The following ADCY4 variants were observed in gnomAD, a reference collection of about 807,000 sequenced individuals.
ADCY4 encodes adenylate cyclase type 4.
ADCY4 carries 111 observed loss-of-function variants against 125.5 expected under a neutral mutation model. The ratio of observed to expected loss-of-function variants is 0.88; its 90% confidence interval spans 0.76 to 1.04. ADCY4 has a LOEUF of 1.04. Among genes scored for constraint, ADCY4 ranks in the 50% least tolerant of loss-of-function variants. The pLI is 0.00. For missense variants in ADCY4, 1,256 were observed against 1,382.9 expected (o/e 0.91, Z 1.46); for synonymous variants, 576 against 586.9 (o/e 0.98, Z 0.27).
chr14:24,325,238 C>G, intron 14 of ADCY4, 139 bp downstream of exon 14: 1 of 640,008 alleles, frequency 1.6e-6, no homozygotes, highest in Non-Finnish European at 2.7e-6. Context: ...ATCATTTTCC[C>G]CAGAACACAT....
At chr14:24,330,915 G>T in intron 6 of ADCY4, 103 bp downstream of exon 6, 1 of 1,024,008 alleles carries the variant, frequency 9.8e-7, no homozygotes, top group Non-Finnish European at 1.4e-6. Flanking sequence ...TGCATGCACT[G>T]AAGTGGGCCT....
At position 24,330,936 on chromosome 14, in the gene ADCY4, A is replaced by T. The variant is rs1007103821; in HGVS notation, c.930+82T>A. On this transcript the variant is annotated intron_variant, in intron 6 of 24. Transcript: ENST00000418030. ...CACTGAAGTGGGCCTGGGATCTTAT[A>T]AGGTGGGAGTTTCCCTTGGAAGGGG... The T allele has an allele frequency of 7.8e-6, 10 of 1,275,208 alleles. No individual in the cohort carries two copies. In the African/African-American group the frequency reaches 1.5e-4, roughly 19 times the overall value. 79.0% of individuals were successfully genotyped at this position (1,275,208 alleles called of 1,614,324 possible). A position where few individuals can be genotyped will look rare whatever the true frequency, so the allele number is the denominator to read the frequency against.
chr14:24,321,795 A>G, intron 20 of ADCY4: 1 of 1,164,938 alleles, frequency 8.6e-7, no homozygotes, highest in Non-Finnish European at 1.1e-6. Flanking sequence ...CCCCTGCTCC[A>G]GACAGCTCCC....
rs2042015626 is a variant in ADCY4, at chr14:24,329,989, A to G, written c.1088T>C (p.Ile363Thr). 1.2e-6 allele frequency: 2 copies of G among 1,614,014 alleles called. No homozygotes were observed. The highest frequency in any genetic ancestry group is 1.7e-6 in the Non-Finnish European group (2 of 1,179,936). Residue 363 changes from isoleucine to threonine, a missense_variant, in exon 8 of 25, where the codon ATC (isoleucine) becomes ACC (threonine). Physicochemically the swap from Ile to Thr is moderately conservative, Grantham distance 89. Transcript: ENST00000418030. ...TGAGTGCACGCCCACACGCATGTTG[A>G]TGTCCACGCCAGTGGCTGCCCGCAG... is the stretch of plus-strand genomic sequence containing the variant. ...RKLRAATGVD[I>T]NMRVGVHSGS...
At chr14:24,326,001 C>T (rs569005931) in intron 12 of ADCY4, 78 bp downstream of exon 12, 2 of 1,571,364 alleles carry the variant, frequency 1.3e-6, no homozygotes, top group South Asian at 1.2e-5. Context: ...TCCCTCCAGC[C>T]CCTCAGGGAG....
Position 24,329,913 on chromosome 14 carries a change from A to G in ADCY4, c.1164T>C (p.Val388=), listed in dbSNP as rs765471966. The change falls in exon 8 of 25, where the codon GTT becomes GTC. Residue 388 remains valine (V), a synonymous_variant. Transcript: ENST00000418030. ...VIGLQKWQYD[V]WSHDVTLANH... is the part of the protein sequence containing the mutation. ...TAGCCAGTGTGACATCATGTGACCA[A>G]ACGTCGTACTGCCACTTCTGCAGCC... 3 of 1,614,060 alleles carry G rather than the reference A, an allele frequency of 1.9e-6. No homozygotes were observed. Among genetic ancestry groups the G allele is most frequent in the Admixed American group, 3.3e-5 (2 of 60,022 alleles).
chr14:24,318,622 C>G, intron 24 of ADCY4, 32 bp downstream of exon 24: 2 of 1,614,060 alleles, frequency 1.2e-6, no homozygotes, highest in Non-Finnish European at 1.7e-6. Context: ...CTTAGTCCCC[C>G]TCCCCCTATG....
rs143391430 is a variant in ADCY4, at chr14:24,318,675, T to C, written c.3060A>G (p.Thr1020=). 266 of 1,614,160 alleles carry C rather than the reference T, an allele frequency of 1.6e-4. 1 individual carries two copies. The Middle Eastern group carries it at 4.9e-3, about 30-fold the overall frequency. ...TCACTTGGATTTTGCCAAGGACTCCTGTACTCTCCATGCGGCTGGCCACGT... is the reference window on the plus strand; with the variant it reads ...TCACTTGGATTTTGCCAAGGACTCCCGTACTCTCCATGCGGCTGGCCACGT... ...TVNVASRMES[T]GVLGKIQVTE... The change falls in exon 24 of 25, where the codon ACA becomes ACG. Residue 1020 remains threonine, a synonymous_variant. Transcript: ENST00000418030.
rs778819237 is a variant in ADCY4, at chr14:24,318,460, T to C, written c.3190A>G (p.Thr1064Ala). Residue 1064 changes from threonine to alanine, a missense_variant, in exon 25 of 25, where the codon ACA (threonine) becomes GCA (alanine). By Grantham distance (58) the Thr-to-Ala change is moderately conservative (BLOSUM62 0). Coordinates refer to ENST00000418030, the MANE Select transcript of ADCY4 (RefSeq NM_001198568.2). ...KGQLCTYFLNTDLTRTGPPSA... is the reference protein window; with the variant it reads ...KGQLCTYFLNADLTRTGPPSA... ...GGAGGTCCAGTTCGTGTCAAGTCTG[T>C]GTTCAGGAAGTAGGTGCAGAGCTGC... The C allele has an allele frequency of 3.7e-6, 6 of 1,614,182 alleles. No individual in the cohort carries two copies. Among genetic ancestry groups the C allele is most frequent in the Non-Finnish European group, 5.1e-6 (6 of 1,180,024 alleles).
In ADCY4 at chr14:24,319,718, C is replaced by T. The variant is rs200216345; in HGVS notation, c.2733+24G>A. 326 of 1,613,920 alleles carry T rather than the reference C, an allele frequency of 2.0e-4. 2 individuals are homozygous for T. The Middle Eastern group carries it at 4.6e-3, about 23-fold the overall frequency. ...AATTCTAGAATCTAGGACATAGGGT[C>T]TGGGAGACTCTTGGAATTTTCACCT... On this transcript the variant is annotated intron_variant, in intron 21 of 24. Transcript: ENST00000418030. This position sits in a 1 kb window ranked among gnomAD's most constrained non-coding sequence, Gnocchi z 4.5.
At chr14:24,330,077 C>A in intron 7 of ADCY4, 59 bp from the exon 8 acceptor site, 1 of 1,598,858 alleles carries the variant, frequency 6.3e-7, no homozygotes, top group Non-Finnish European at 8.6e-7. Flanking sequence ...CTGTGAGACA[C>A]CCCAGATTCT....
chr14:24,322,790 C>T, intron 18 of ADCY4, 82 bp from the exon 19 acceptor site: 2 of 1,555,126 alleles, frequency 1.3e-6, no homozygotes, highest in East Asian at 2.4e-5. Context: ...CCTCCGCTTC[C>T]CTCCCACTTT....
chr14:24,322,232 G>T lies in ADCY4; in HGVS notation c.2428-8C>A. 1.2e-6 allele frequency: 2 copies of T among 1,608,202 alleles called. No homozygotes were observed. Among genetic ancestry groups the T allele is most frequent in the Non-Finnish European group, 8.5e-7 (1 of 1,175,996 alleles). On this transcript the variant is annotated splice_polypyrimidine_tract_variant and splice_region_variant and intron_variant, in intron 19 of 24. Transcript: ENST00000418030. ...GCGGCAGTAGTACTCATTCTGGGGA[G>T]GGTCACCCGGGGCCATGGGGAGACA...
intron 10 of ADCY4, among the ~76,000 whole-genome samples, chr14:24,327,607 A>T (rs751877): frequency 4.5e-4 from 68 of 151,948 alleles, no homozygotes; most frequent in Admixed American, 7.9e-4. Flanking sequence ...TCCTTCCCCC[A>T]CTCCCCAGTG....
intron 20 of ADCY4, among the ~76,000 whole-genome samples, chr14:24,321,149 G>A (rs1300306696): frequency 5.3e-4 from 78 of 148,020 alleles, no homozygotes; most frequent in Non-Finnish European, 1.5e-4. Flanking sequence ...GGTGCGGTGC[G>A]CCTGTAATCT....
Position 24,326,300 on chromosome 14 carries a change from G to C in ADCY4, c.1567C>G (p.Arg523Gly). 1 of 1,614,082 alleles carries C rather than the reference G, an allele frequency of 6.2e-7. No homozygotes were observed. The highest frequency in any genetic ancestry group is 8.5e-7 in the Non-Finnish European group (1 of 1,180,010). Reference sequence around the variant, plus strand: ...GCAAAGACTTTGAGGCCTCCTCACCGATCCAGGCTCCACTGGGTGCTGAAG... The same window carrying C: ...GCAAAGACTTTGAGGCCTCCTCACCCATCCAGGCTCCACTGGGTGCTGAAG... The part of the protein sequence containing the change: ...ASFSTQWSLD[R>G]SRTPRGLDDE... Residue 523 changes from arginine (R) to glycine (G), a missense_variant and splice_region_variant, in exon 11 of 25, where the codon CGG (arginine) becomes GGG (glycine). Arg to Gly is a moderately radical substitution (Grantham distance 125). Coordinates refer to ENST00000418030, the MANE Select transcript of ADCY4 (RefSeq NM_001198568.2).
At chr14:24,326,236 C>G (rs2041942131) in intron 11 of ADCY4, 63 bp downstream of exon 11, 1 of 1,613,704 alleles carries the variant, frequency 6.2e-7, no homozygotes, top group Admixed American at 1.7e-5. Flanking sequence ...GAGCAGACCC[C>G]CAGGGAGGAT....
At chr14:24,325,980 C>T (rs2041935725) in intron 12 of ADCY4, 93 bp from the exon 13 acceptor site, 2 of 1,585,872 alleles carry the variant, frequency 1.3e-6, no homozygotes, top group Non-Finnish European at 1.7e-6. Flanking sequence ...AGGGGGTGGT[C>T]AGGCGAGTCT....
At position 24,334,531 on chromosome 14, in the gene ADCY4, A is replaced by T. The variant is rs1379724410; in HGVS notation, c.122T>A (p.Leu41His). 1 of 1,583,168 alleles carries T rather than the reference A, an allele frequency of 6.3e-7. No individual in the cohort carries two copies. Among genetic ancestry groups the T allele is most frequent in the Non-Finnish European group, 8.5e-7 (1 of 1,169,888 alleles). ...LLLLGIVLCA[L>H]AALLAVAWAS... Reference sequence around the variant, plus strand: ...CCAGGCCACTGCGAGCAGCGCCGCGAGCGCACAGAGCACGATCCCCAGCAG... The same window carrying T: ...CCAGGCCACTGCGAGCAGCGCCGCGTGCGCACAGAGCACGATCCCCAGCAG... The change falls in exon 1 of 25, where the codon CTC (leucine) becomes CAC (histidine). Residue 41 changes from leucine to histidine, a missense_variant. Transcript: ENST00000418030.
Sources: gnomAD v4.1 joint callset for allele counts (sites outside exome capture counted in the v4.1 genomes callset) on GRCh38, gnomAD v4.1.1 for gene constraint, Gnocchi (gnomAD v3.1) non-coding constraint, MANE v1.5 for transcripts, NCBI Gene and HGNC (gene_info 2026-07-23, HGNC 2026-07-21) for gene names.